Variants in TMPRSS15 observed in about 807,000 individuals in gnomAD.
The protein encoded by TMPRSS15 is transmembrane serine protease 15, also known as enteropeptidase.
Under a neutral mutation model 125.3 loss-of-function variants are expected in TMPRSS15, and 128 were observed. The ratio of observed to expected loss-of-function variants is 1.02; its 90% CI spans 0.89 to 1.18. The LOEUF is 1.18. TMPRSS15 is among the 50% of genes most tolerant of loss of function. The pLI, the probability that TMPRSS15 is intolerant of heterozygous loss-of-function variation, is 0.00. For missense variants in TMPRSS15, 1,283 were observed against 1,212.7 expected, an observed-to-expected ratio of 1.06 and a Z score of -0.86; for synonymous variants, 446 against 423.2, an observed-to-expected ratio of 1.05 and a Z score of -0.66.
At position 18,332,106 on chromosome 21, in the gene TMPRSS15, G is replaced by A. The variant is rs1248122605; in HGVS notation, c.1632C>T (p.Asn544=). The A allele has an allele frequency of 6.2e-7, 1 of 1,613,954 alleles. No individual in the cohort carries two copies. The highest frequency in any genetic ancestry group is 8.5e-7 in the Non-Finnish European group (1 of 1,179,952). The change falls in exon 14 of 25, where the codon AAC becomes AAT. Residue 544 remains asparagine, a synonymous_variant. Transcript: ENST00000284885. Reference sequence around the variant, plus strand: ...CACAGAAAGCCAGATTAGGGTAGCTGTTTGGAAAGTTCGTAGAACTGAATG... The same window carrying A: ...CACAGAAAGCCAGATTAGGGTAGCTATTTGGAAAGTTCGTAGAACTGAATG... The part of the protein sequence containing the change: ...NTTFSSTNFP[N]SYPNLAFCVW...
chr21:18,313,125 C>T (rs367616414), intron 17 of TMPRSS15, 48 bp from the exon 18 acceptor site: 120 of 1,344,494 alleles, frequency 8.9e-5, no homozygotes, highest in Admixed American at 1.2e-4. Context: ...CTGAAGGGTG[C>T]GGAGTATGGG....
intron 1 of TMPRSS15, among the ~76,000 whole-genome samples, chr21:18,409,415 G>A (rs1380903295): frequency 6.6e-6 from 1 of 151,646 alleles, no homozygotes. Context: ...TTGTGTTTTT[G>A]TTGTTCAATT....
chr21:18,436,229 G>A (rs1371509396), intron 1 of TMPRSS15, among the ~76,000 whole-genome samples: 1 of 151,182 alleles, frequency 6.6e-6, no homozygotes, highest in African/African-American at 2.4e-5. Context: ...ATGTTAGGGT[G>A]TCAATTTTGG....
intron 1 of TMPRSS15, among the ~76,000 whole-genome samples, chr21:18,451,310 T>TA (rs1463061327): frequency 6.6e-6 from 1 of 152,034 alleles, no homozygotes; most frequent in Admixed American, 6.6e-5. Context: ...CACCAAAAAA[T>TA]AAAAAACTGT....
intron 1 of TMPRSS15, among the ~76,000 whole-genome samples, chr21:18,431,803 A>T (rs1206883608): frequency 6.6e-6 from 1 of 152,138 alleles, no homozygotes; most frequent in Non-Finnish European, 1.5e-5. Context: ...TGCCTACTAG[A>T]GCCTTTTAGC....
intron 18 of TMPRSS15, among the ~76,000 whole-genome samples, chr21:18,307,812 T>G (rs764930843): frequency 1.3e-5 from 2 of 152,166 alleles, no homozygotes; most frequent in African/African-American, 2.4e-5. Context: ...AAAACTTCTG[T>G]CAAAGTAAAG....
At chr21:18,426,978 C>T (rs530183402) in intron 1 of TMPRSS15, among the ~76,000 whole-genome samples, 10 of 152,294 alleles carry the variant, frequency 6.6e-5, no homozygotes, top group East Asian at 1.9e-4. Flanking sequence ...TTCTCCCCTC[C>T]GCCATGCCTG....
At chr21:18,481,073 T>A (rs1047609275) in intron 1 of TMPRSS15, among the ~76,000 whole-genome samples, 2 of 151,826 alleles carry the variant, frequency 1.3e-5, no homozygotes, top group Non-Finnish European at 2.9e-5. Flanking sequence ...TACAATGAAA[T>A]CCAAGCTCAG....
At chr21:18,341,586 A>G (rs370018286) in intron 12 of TMPRSS15, 38 bp from the exon 13 acceptor site, 32 of 1,611,170 alleles carry the variant, frequency 2.0e-5, no homozygotes, top group Non-Finnish European at 2.5e-5. Flanking sequence ...ATTTGATTCC[A>G]TTCTAATCTT....
chr21:18,358,577 A>G (rs2147019184), intron 8 of TMPRSS15, among the ~76,000 whole-genome samples: 1 of 151,986 alleles, frequency 6.6e-6, no homozygotes, highest in Admixed American at 6.6e-5. Context: ...TGTTTTATAT[A>G]TACTCATTAT....
intron 14 of TMPRSS15, among the ~76,000 whole-genome samples, chr21:18,331,758 G>A (rs1459668373): frequency 6.6e-6 from 1 of 152,106 alleles, no homozygotes; most frequent in Non-Finnish European, 1.5e-5. Context: ...TTAGAAAGCG[G>A]TGTCTGGAGT....
intron 6 of TMPRSS15, 29 bp from the exon 7 acceptor site, chr21:18,365,277 C>T: frequency 1.3e-6 from 2 of 1,552,982 alleles, no homozygotes; most frequent in Non-Finnish European, 1.8e-6. Context: ...TAATGTTAGA[C>T]AAAAACAATC....
chr21:18,400,474 A>G (rs2076084842), intron 1 of TMPRSS15, among the ~76,000 whole-genome samples: 1 of 152,176 alleles, frequency 6.6e-6, no homozygotes, highest in South Asian at 2.1e-4. Context: ...AAAATAAACA[A>G]TGAGGAAAGG....
intron 16 of TMPRSS15, among the ~76,000 whole-genome samples, chr21:18,321,207 A>G (rs924956120): frequency 9.9e-5 from 15 of 152,200 alleles, no homozygotes; most frequent in African/African-American, 3.1e-4. Flanking sequence ...TACAGTAGAA[A>G]TGGAAATGTT....
chr21:18,332,662 A>G (rs1438415224), intron 13 of TMPRSS15, among the ~76,000 whole-genome samples: 2 of 152,204 alleles, frequency 1.3e-5, no homozygotes, highest in Non-Finnish European at 2.9e-5. Context: ...TAAATTAGTT[A>G]AACTATGTGG....
chr21:18,296,769 C>T (rs1041925390), intron 19 of TMPRSS15, among the ~76,000 whole-genome samples: 2 of 152,156 alleles, frequency 1.3e-5, no homozygotes, highest in Non-Finnish European at 2.9e-5. Flanking sequence ...TTCTCATTTG[C>T]AGATGCTTTG....
chr21:18,315,077 C>G (rs2075147125), intron 17 of TMPRSS15, 69 bp downstream of exon 17: 24 of 1,224,440 alleles, frequency 2.0e-5, no homozygotes, highest in Non-Finnish European at 2.9e-5. Context: ...TATAATCTTT[C>G]TTTGACACTG....
intron 1 of TMPRSS15, among the ~76,000 whole-genome samples, chr21:18,467,352 C>A (rs1978686752): frequency 6.6e-6 from 1 of 151,728 alleles, no homozygotes; most frequent in African/African-American, 2.4e-5. Context: ...ATGTGTATAC[C>A]TATGTAACAA....
intron 4 of TMPRSS15, 26 bp downstream of exon 4, chr21:18,383,601 A>C (rs2075913324): frequency 6.2e-7 from 1 of 1,611,306 alleles, no homozygotes; most frequent in Non-Finnish European, 8.5e-7. Flanking sequence ...AATGATTCAA[A>C]GAAATCAAAT....
Sources: gnomAD v4.1 joint callset for allele counts (sites outside exome capture counted in the v4.1 genomes callset) on GRCh38, gnomAD v4.1.1 for gene constraint, MANE v1.5 for transcripts, NCBI Gene and HGNC (gene_info 2026-07-23, HGNC 2026-07-21) for gene names.